The following AGPS variants were observed in gnomAD, a reference collection of about 807,000 sequenced individuals.
AGPS encodes alkyldihydroxyacetonephosphate synthase, peroxisomal.
In AGPS, 26 loss-of-function variants were observed where a neutral mutation model predicts 90.7. That is an observed-to-expected ratio of 0.29 (90% confidence interval 0.21 to 0.40). The LOEUF is 0.40. AGPS is among the 10% of genes least tolerant of loss of function. The pLI is 1.00. For synonymous variants in AGPS, 294 were observed against 285.3 expected (o/e 1.03, Z -0.31); for missense variants, 540 against 816.1 (o/e 0.66, Z 4.12).
chr2:177,419,053 A>G (rs1331194395), intron 1 of AGPS, among the ~76,000 whole-genome samples: 1 of 151,964 alleles, frequency 6.6e-6, no homozygotes, highest in African/African-American at 2.4e-5. Context: ...AGCAAATCAT[A>G]GTTGTAAACA....
chr2:177,443,816 A>G (rs1686685162), intron 7 of AGPS, among the ~76,000 whole-genome samples: 1 of 152,220 alleles, frequency 6.6e-6, no homozygotes. Context: ...TTGGTAGTAT[A>G]TATGGGATGT....
chr2:177,471,338 C>T (rs554815675), intron 10 of AGPS, among the ~76,000 whole-genome samples: 28 of 152,120 alleles, frequency 1.8e-4, no homozygotes, highest in African/African-American at 6.0e-4. Context: ...TTTCTCCATC[C>T]GACTAAGCTC....
intron 12 of AGPS, among the ~76,000 whole-genome samples, chr2:177,494,012 A>G (rs1161563292): frequency 6.6e-6 from 1 of 152,208 alleles, no homozygotes; most frequent in East Asian, 1.9e-4. Context: ...ATTAAATAAC[A>G]TAGAAGAATG....
chr2:177,442,744 G>C (rs1284267225), intron 7 of AGPS, among the ~76,000 whole-genome samples: 2 of 150,346 alleles, frequency 1.3e-5, no homozygotes, highest in African/African-American at 4.9e-5. Flanking sequence ...CTACTTGGGA[G>C]GCTGAGACAT....
At chr2:177,401,152 G>A (rs1454078334) in intron 1 of AGPS, among the ~76,000 whole-genome samples, 1 of 152,096 alleles carries the variant, frequency 6.6e-6, no homozygotes, top group Non-Finnish European at 1.5e-5. Flanking sequence ...ATTTAAATAG[G>A]CACATGTGGC....
chr2:177,461,779 A>G, intron 8 of AGPS, 114 bp from the exon 9 acceptor site: 1 of 890,762 alleles, frequency 1.1e-6, no homozygotes, highest in South Asian at 1.6e-5. Flanking sequence ...TGTAGGAATT[A>G]ATAAATTCAA....
chr2:177,497,163 T>C (rs969229670), intron 12 of AGPS, among the ~76,000 whole-genome samples: 2 of 152,012 alleles, frequency 1.3e-5, no homozygotes, highest in African/African-American at 2.4e-5. Context: ...CAATTTTAAC[T>C]CTCCGGGTGT....
At chr2:177,474,484 A>G (rs972559236) in intron 10 of AGPS, among the ~76,000 whole-genome samples, 14 of 152,158 alleles carry the variant, frequency 9.2e-5, no homozygotes, top group Non-Finnish European at 1.0e-4. Context: ...CAAGACACAC[A>G]TTCCTGGTGA....
chr2:177,403,016 C>G (rs1685372115), intron 1 of AGPS, among the ~76,000 whole-genome samples: 2 of 152,156 alleles, frequency 1.3e-5, no homozygotes, highest in African/African-American at 4.8e-5. Context: ...GAGATCATGC[C>G]ACTGCACTCC....
At chr2:177,403,212 T>A (rs1189492187) in intron 1 of AGPS, among the ~76,000 whole-genome samples, 1 of 152,204 alleles carries the variant, frequency 6.6e-6, no homozygotes, top group Non-Finnish European at 1.5e-5. Context: ...GTGTCTTCTA[T>A]TACTGCAAGA....
chr2:177,431,922 A>G (rs1686255375), intron 2 of AGPS, among the ~76,000 whole-genome samples: 1 of 152,236 alleles, frequency 6.6e-6, no homozygotes, highest in South Asian at 2.1e-4. Context: ...GATTAAAGGC[A>G]GGCATAAGAA....
chr2:177,466,924 C>A (rs1687472420), intron 9 of AGPS, among the ~76,000 whole-genome samples: 1 of 152,084 alleles, frequency 6.6e-6, no homozygotes, highest in South Asian at 2.1e-4. Flanking sequence ...CCCCCAAGAG[C>A]ACAGGGATGC....
intron 3 of AGPS, among the ~76,000 whole-genome samples, chr2:177,436,208 G>A (rs984429905): frequency 4.9e-5 from 6 of 123,622 alleles, no homozygotes; most frequent in Non-Finnish European, 9.4e-5. Context: ...CTGGAGTGCC[G>A]TGGTACAATC....
intron 13 of AGPS, 147 bp from the exon 14 acceptor site, chr2:177,499,471 T>C: frequency 1.7e-6 from 1 of 587,102 alleles, no homozygotes; most frequent in Non-Finnish European, 3.0e-6. Context: ...ACATTCTTAG[T>C]GATTGACATG....
At chr2:177,498,628 T>A (rs113889619) in intron 13 of AGPS, among the ~76,000 whole-genome samples, 3,968 of 135,602 alleles carry the variant, frequency 0.029, 77 homozygotes, top group African/African-American at 0.037. Context: ...AATGAGAATT[T>A]AAAAAAAAAA....
chr2:177,500,370 A>G (rs947103386), intron 14 of AGPS, among the ~76,000 whole-genome samples: 5 of 152,034 alleles, frequency 3.3e-5, no homozygotes, highest in African/African-American at 1.2e-4. Flanking sequence ...AAGTACATAA[A>G]CTAACAGTTT....
At chr2:177,490,940 C>T (rs965267967) in intron 11 of AGPS, among the ~76,000 whole-genome samples, 2 of 149,474 alleles carry the variant, frequency 1.3e-5, no homozygotes, top group African/African-American at 4.9e-5. Flanking sequence ...ACTGCAACCT[C>T]CGCCTCCTAG....
chr2:177,429,762 C>T (rs766104782), intron 2 of AGPS, among the ~76,000 whole-genome samples: 2 of 152,156 alleles, frequency 1.3e-5, no homozygotes, highest in Non-Finnish European at 2.9e-5. Context: ...TCTGGAGACC[C>T]CTGTTGGGAG....
intron 2 of AGPS, among the ~76,000 whole-genome samples, chr2:177,427,461 C>T (rs992798406): frequency 6.6e-6 from 1 of 152,102 alleles, no homozygotes; most frequent in Non-Finnish European, 1.5e-5. Context: ...TGAGATCTTT[C>T]TAGGTTTTTG....
Sources: gnomAD v4.1 joint callset for allele counts (sites outside exome capture counted in the v4.1 genomes callset) on GRCh38, gnomAD v4.1.1 for gene constraint, MANE v1.5 for transcripts, NCBI Gene and HGNC (gene_info 2026-07-23, HGNC 2026-07-21) for gene names.